Variants in DDX39A observed in about 807,000 individuals in gnomAD.
The protein encoded by DDX39A is DExD-box helicase 39A.
Under a neutral mutation model 46.3 loss-of-function variants are expected in DDX39A, and 13 were observed. The observed-to-expected ratio is 0.28, with a 90% confidence interval of 0.18 to 0.45. DDX39A has a LOEUF of 0.45. Ranked by LOEUF, DDX39A falls within the 20% of genes least tolerant of loss-of-function variation. The pLI is 1.00. For missense variants in DDX39A, 352 were observed against 581.8 expected (o/e 0.61, Z 4.06); for synonymous variants, 234 against 224.6 (o/e 1.04, Z -0.38).
chr19:14,419,112 G>T (rs1420144378), intron 1 of DDX39A, 158 bp downstream of exon 1: 4 of 401,944 alleles, frequency 1.0e-5, no homozygotes, highest in South Asian at 1.7e-5. Flanking sequence ...GGTGCCCAAC[G>T]GCCAACACAC....
intron 1 of DDX39A, 62 bp from the exon 2 acceptor site, chr19:14,413,286 A>C: frequency 1.4e-6 from 2 of 1,466,530 alleles, no homozygotes; most frequent in South Asian, 2.5e-5. Flanking sequence ...AGCTTCATTC[A>C]AATGGCATTC....
chr19:14,410,900 C>T lies in DDX39A; in HGVS notation c.613+89G>A. 7.9e-7 allele frequency: 1 copy of T among 1,267,698 alleles called. No individual in the cohort carries two copies. The highest frequency in any genetic ancestry group is 2.6e-5 in the East Asian group (1 of 38,950). The allele number at this position is 1,267,698 out of a possible 1,614,324, so 78.5% of individuals were successfully genotyped here. On this transcript the variant is annotated intron_variant, in intron 5 of 10. Coordinates refer to ENST00000242776, the MANE Select transcript of DDX39A (RefSeq NM_005804.4). The surrounding 1 kb of genome is among the most constrained non-coding windows in gnomAD (Gnocchi z 4.3). The stretch of plus-strand genomic sequence containing the variant: ...CACAGGAGCCCCGCCTGCCGGCCGC[C>T]CATGTAACCCACTCAAGAGCCTTCC...
At position 14,409,811 on chromosome 19, in the gene DDX39A, G is replaced by T; in HGVS notation, c.795C>A (p.Tyr265Ter). ...KLTLHGLQQY[Y>*]VKLKDSEKNR... ...TCTTCTCACTGTCTTTGAGTTTGAC[G>T]TAGTACTGCTGCAGGCCGTGCAGCG... is the stretch of plus-strand genomic sequence containing the variant. Residue 265 changes from tyrosine (Y) to a stop codon, truncating the protein, a stop_gained, in exon 7 of 11, where the codon TAC becomes TAA. Transcript: ENST00000242776. LOFTEE classifies it high-confidence loss of function. The surrounding 1 kb of genome is among the most constrained non-coding windows in gnomAD (Gnocchi z 8.3). 6.2e-7 allele frequency: 1 copy of T among 1,614,128 alleles called. No individual in the cohort carries two copies. The highest frequency in any genetic ancestry group is 1.1e-5 in the South Asian group (1 of 91,088).
chr19:14,410,083 G>T lies in DDX39A; in HGVS notation c.732+133C>A. 1 of 1,036,136 alleles carries T rather than the reference G, an allele frequency of 9.7e-7. No homozygotes were observed. Among genetic ancestry groups the T allele is most frequent in the South Asian group, 1.3e-5 (1 of 76,990 alleles). The allele number at this position is 1,036,136 out of a possible 1,614,324, so 64.2% of individuals were successfully genotyped here. ...TTGACTCCCAGTTTGACAAGACCGA[G>T]GGGAGGAAAGGAGGCTCCGCCGGCT... On this transcript the variant is annotated intron_variant, in intron 6 of 10. Transcript: ENST00000242776. This position sits in a 1 kb window ranked among gnomAD's most constrained non-coding sequence, Gnocchi z 4.3.
rs753497125 is a variant in DDX39A, at chr19:14,413,081, C to T, written c.140G>A (p.Arg47Gln). ...SYVSIHSSGF[R>Q]DFLLKPELLR... The stretch of plus-strand genomic sequence containing the variant: ...GAGCTCCGGCTTCAGCAGAAAGTCC[C>T]GGAAGCCAGAGCTGTGGATGGAAAC... The change falls in exon 2 of 11, where the codon CGG becomes CAG. Residue 47 changes from arginine to glutamine, a missense_variant. Physicochemically the swap from Arg to Gln is conservative, Grantham distance 43. This residue lies in a region of DDX39A where 46 missense variants were observed against 78.2 expected (regional missense o/e 0.59). Transcript: ENST00000242776. The T allele has an allele frequency of 1.2e-5, 19 of 1,614,174 alleles. No individual in the cohort carries two copies. Among genetic ancestry groups the T allele is most frequent in the Non-Finnish European group, 1.5e-5 (18 of 1,180,026 alleles).
In DDX39A at chr19:14,413,050, C is replaced by G; in HGVS notation, c.171G>C (p.Arg57=). The part of the protein sequence containing the change: ...RDFLLKPELL[R]AIVDCGFEHP... ...GCTCAAAGCCACAGTCCACGATGGC[C>G]CGCAGGAGCTCCGGCTTCAGCAGAA... Residue 57 remains arginine, a synonymous_variant, in exon 2 of 11, where the codon CGG becomes CGC. Coordinates refer to ENST00000242776, the MANE Select transcript of DDX39A (RefSeq NM_005804.4). The G allele has an allele frequency of 6.2e-7, 1 of 1,614,192 alleles. No homozygotes were observed. The highest frequency in any genetic ancestry group is 8.5e-7 in the Non-Finnish European group (1 of 1,180,028).
chr19:14,413,168 T>C lies in DDX39A; in HGVS notation c.53A>G (p.Glu18Gly). The change falls in exon 2 of 11, where the codon GAG (glutamate) becomes GGG (glycine). Residue 18 changes from glutamate to glycine, a missense_variant. Transcript: ENST00000242776. ...NDLLDYDEEEEPQAPQESTPA... is the reference protein window; with the variant it reads ...NDLLDYDEEEGPQAPQESTPA... Reference sequence around the variant, plus strand: ...TGTGCTCTCTTGAGGAGCCTGGGGCTCTTCCTCTTCATCGTAATCCAAAAG... The same window carrying C: ...TGTGCTCTCTTGAGGAGCCTGGGGCCCTTCCTCTTCATCGTAATCCAAAAG... 6.2e-7 allele frequency: 1 copy of C among 1,614,072 alleles called. No homozygotes were observed. The highest frequency in any genetic ancestry group is 8.5e-7 in the Non-Finnish European group (1 of 1,180,000).
chr19:14,413,246 G>A (rs758310251), intron 1 of DDX39A, 22 bp from the exon 2 acceptor site: 101 of 1,602,386 alleles, frequency 6.3e-5, no homozygotes, highest in Non-Finnish European at 8.2e-5. Flanking sequence ...GAGAGGCAGG[G>A]TCCCGCGAGT....
At position 14,412,647 on chromosome 19, in the gene DDX39A, C is replaced by G; in HGVS notation, c.240G>C (p.Leu80=). ...TGGCCTGGCACAGGACGTCCATGCC[C>G]AGGATGGCCTGGGGAATGCACTCAT... ...VQHECIPQAI[L]GMDVLCQAKS... Residue 80 remains leucine, a synonymous_variant, in exon 3 of 11, where the codon CTG becomes CTC. Transcript: ENST00000242776. This position sits in a 1 kb window ranked among gnomAD's most constrained non-coding sequence, Gnocchi z 4.4. 2 of 1,609,200 alleles carry G rather than the reference C, an allele frequency of 1.2e-6. No homozygotes were observed. The highest frequency in any genetic ancestry group is 1.7e-6 in the Non-Finnish European group (2 of 1,179,930).
intron 1 of DDX39A, chr19:14,418,994 C>A (rs1419894585): frequency 2.2e-6 from 1 of 456,278 alleles, no homozygotes; most frequent in East Asian, 7.0e-5. Context: ...TGACAGACTC[C>A]AAGTGGGGCT....
Position 14,410,807 on chromosome 19 carries a change from G to T in DDX39A, c.613+182C>A. 2 of 593,298 alleles carry T rather than the reference G, an allele frequency of 3.4e-6. No individual in the cohort carries two copies. The highest frequency in any genetic ancestry group is 4.8e-5 in the South Asian group (2 of 41,390). 36.8% of individuals were successfully genotyped at this position (593,298 alleles called of 1,614,324 possible). A position where few individuals can be genotyped will look rare whatever the true frequency, so the allele number is the denominator to read the frequency against. ...GACGGGGGCTTGCTTGGGCCCCGTGGTCCCATTCGGCTCGGGCTCAGAAAC... is the reference window on the plus strand; with the variant it reads ...GACGGGGGCTTGCTTGGGCCCCGTGTTCCCATTCGGCTCGGGCTCAGAAAC... On this transcript the variant is annotated intron_variant, in intron 5 of 10. Transcript: ENST00000242776. This position sits in a 1 kb window ranked among gnomAD's most constrained non-coding sequence, Gnocchi z 4.3.
chr19:14,410,547 C>T lies in DDX39A; in HGVS notation c.614-213G>A, dbSNP rs1429870769. On this transcript the variant is annotated intron_variant, in intron 5 of 10. Transcript: ENST00000242776. The surrounding 1 kb of genome is among the most constrained non-coding windows in gnomAD (Gnocchi z 4.3). ...CGCGGGAGGAGCTGCAATCCACTTACACGCTGGCGCGGAGCAGCCGTGCCC... is the reference window on the plus strand; with the variant it reads ...CGCGGGAGGAGCTGCAATCCACTTATACGCTGGCGCGGAGCAGCCGTGCCC... 1.4e-5 allele frequency: 8 copies of T among 581,876 alleles called. No homozygotes were observed. Among genetic ancestry groups the T allele is most frequent in the East Asian group, 2.9e-5 (1 of 34,148 alleles). 36.0% of individuals were successfully genotyped at this position (581,876 alleles called of 1,614,324 possible).
rs1241007183 is a variant in DDX39A, at chr19:14,410,249, G to A, written c.699C>T (p.Asp233=). ...CMMFSATLSK[D]IRPVCRKFMQ... ...TGAACTTCCTGCACACAGGCCGGAT[G>A]TCCTTGCTCAGGGTGGCGCTGAACA... The change falls in exon 6 of 11, where the codon GAC becomes GAT. Residue 233 remains aspartate (D), a synonymous_variant. Coordinates refer to ENST00000242776, the MANE Select transcript of DDX39A (RefSeq NM_005804.4). The surrounding 1 kb of genome is among the most constrained non-coding windows in gnomAD (Gnocchi z 4.3). 4 of 1,614,022 alleles carry A rather than the reference G, an allele frequency of 2.5e-6. No individual in the cohort carries two copies. The highest frequency in any genetic ancestry group is 1.3e-5 in the African/African-American group (1 of 74,924).
chr19:14,418,962 C>G (rs569800531), intron 1 of DDX39A: 2 of 456,288 alleles, frequency 4.4e-6, no homozygotes, highest in South Asian at 3.1e-5. Context: ...CCCAGGCCGC[C>G]GCGGGGTCTA....
chr19:14,409,047 G>T lies in DDX39A; in HGVS notation c.1257C>A (p.Ile419=). ...GCCCAAGGCACTTACTGTATGTGGAGATGTCGATTTCCTCTGGAAGTTCTG... is the reference window on the plus strand; with the variant it reads ...GCCCAAGGCACTTACTGTATGTGGATATGTCGATTTCCTCTGGAAGTTCTG... ...NVAELPEEID[I]STYIEQSR The change falls in exon 10 of 11, where the codon ATC becomes ATA. Residue 419 remains isoleucine (I), a synonymous_variant. Coordinates refer to ENST00000242776, the MANE Select transcript of DDX39A (RefSeq NM_005804.4). The surrounding 1 kb of genome is among the most constrained non-coding windows in gnomAD (Gnocchi z 8.3). 6 of 1,614,232 alleles carry T rather than the reference G, an allele frequency of 3.7e-6. No homozygotes were observed. The highest frequency in any genetic ancestry group is 5.1e-6 in the Non-Finnish European group (6 of 1,180,040).
chr19:14,412,562 C>T lies in DDX39A; in HGVS notation c.325G>A (p.Val109Ile). Reference protein sequence around the residue: ...VLATLQQIEPVNGQVTVLVMC... With the variant: ...VLATLQQIEPINGQVTVLVMC... ...AGGAGCCCACCCACCTGTCCGTTGA[C>T]AGGCTCAATCTGCTGTAGGGTGGCC... The change falls in exon 3 of 11, where the codon GTC (valine) becomes ATC (isoleucine). Residue 109 changes from valine to isoleucine, a missense_variant. Val to Ile is a conservative substitution (Grantham distance 29). Around this residue, in one of 3 missense-constraint regions of DDX39A, gnomAD observed 301 missense variants for 469.9 expected, o/e 0.64. Coordinates refer to ENST00000242776, the MANE Select transcript of DDX39A (RefSeq NM_005804.4). This position sits in a 1 kb window ranked among gnomAD's most constrained non-coding sequence, Gnocchi z 4.4. 1.9e-6 allele frequency: 3 copies of T among 1,608,752 alleles called. No homozygotes were observed. The highest frequency in any genetic ancestry group is 2.5e-6 in the Non-Finnish European group (3 of 1,179,840).
At chr19:14,418,898 C>T in intron 1 of DDX39A, 1 of 456,304 alleles carries the variant, frequency 2.2e-6, no homozygotes, top group Non-Finnish European at 4.4e-6. Flanking sequence ...GCTCCAACTT[C>T]TCCCACCCAG....
Position 14,410,942 on chromosome 19 carries a change from G to C in DDX39A, c.613+47C>G, listed in dbSNP as rs764779089. On this transcript the variant is annotated intron_variant, in intron 5 of 10. Transcript: ENST00000242776. This position sits in a 1 kb window ranked among gnomAD's most constrained non-coding sequence, Gnocchi z 4.3. ...GAGCCTTCCGCCTGCTATGGGGCCCGCCTAGTCACTGACTCTCAGCTGGGG... is the reference window on the plus strand; with the variant it reads ...GAGCCTTCCGCCTGCTATGGGGCCCCCCTAGTCACTGACTCTCAGCTGGGG... 1 of 1,488,378 alleles carries C rather than the reference G, an allele frequency of 6.7e-7. No homozygotes were observed. Among genetic ancestry groups the C allele is most frequent in the South Asian group, 1.4e-5 (1 of 73,936 alleles). The allele number at this position is 1,488,378 out of a possible 1,614,324, so 92.2% of individuals were successfully genotyped here.
At position 14,410,092 on chromosome 19, in the gene DDX39A, A is replaced by G; in HGVS notation, c.732+124T>C. 9.3e-7 allele frequency: 1 copy of G among 1,076,526 alleles called. No homozygotes were observed. The highest frequency in any genetic ancestry group is 1.4e-6 in the Non-Finnish European group (1 of 706,864). The allele number at this position is 1,076,526 out of a possible 1,614,324, so 66.7% of individuals were successfully genotyped here. ...AGTTTGACAAGACCGAGGGGAGGAA[A>G]GGAGGCTCCGCCGGCTCCCAGCATC... On this transcript the variant is annotated intron_variant, in intron 6 of 10. Coordinates refer to ENST00000242776, the MANE Select transcript of DDX39A (RefSeq NM_005804.4). The surrounding 1 kb of genome is among the most constrained non-coding windows in gnomAD (Gnocchi z 4.3).
Sources: allele counts gnomAD v4.1 joint callset, GRCh38; gene constraint gnomAD v4.1.1; regional missense constraint gnomAD v4.1.1; non-coding constraint Gnocchi (gnomAD v3.1); transcripts MANE v1.5; gene names NCBI Gene and HGNC (gene_info 2026-07-23, HGNC 2026-07-21).